Variants in CCDC171 observed in about 807,000 individuals in gnomAD.
CCDC171 encodes coiled-coil domain-containing protein 171.
A neutral mutation model predicts 168.2 loss-of-function variants in CCDC171; 177 were observed. The observed-to-expected ratio is 1.05, with a 90% CI of 0.93 to 1.19. CCDC171 has a LOEUF of 1.19. Among genes scored for constraint, CCDC171 ranks in the 50% most tolerant of loss-of-function variants. CCDC171 has a pLI of 0.00. For synonymous variants in CCDC171, 687 were observed against 540.8 expected, an observed-to-expected ratio of 1.27 and a Z score of -3.75; for missense variants, 1,991 against 1,539.0, an observed-to-expected ratio of 1.29 and a Z score of -4.91.
intron 24 of CCDC171, among the ~76,000 whole-genome samples, chr9:15,916,239 A>G (rs575966728): frequency 6.6e-6 from 1 of 152,014 alleles, no homozygotes; most frequent in South Asian, 2.1e-4. Context: ...TACAGGTAAC[A>G]TTTACCTGAG....
intron 7 of CCDC171, among the ~76,000 whole-genome samples, chr9:15,648,652 C>T (rs181167154): frequency 8.5e-5 from 13 of 152,212 alleles, no homozygotes; most frequent in Admixed American, 5.2e-4. Flanking sequence ...TTCACAGTTG[C>T]TACAAATAGA....
chr9:15,618,850 A>G (rs1358665143), intron 6 of CCDC171, among the ~76,000 whole-genome samples: 2 of 151,728 alleles, frequency 1.3e-5, no homozygotes, highest in African/African-American at 4.8e-5. Context: ...GTGCCTAACC[A>G]GTCCCAGTGA....
chr9:15,596,107 T>C (rs995866067), intron 6 of CCDC171, among the ~76,000 whole-genome samples: 15 of 152,344 alleles, frequency 9.8e-5, no homozygotes, highest in African/African-American at 3.6e-4. Context: ...CTGTTCACTC[T>C]GATGGTAGTT....
chr9:16,076,336 T>G, the CCDC171 span, among the ~76,000 whole-genome samples: 1 of 152,298 alleles, frequency 6.6e-6, no homozygotes, highest in African/African-American at 2.4e-5. Flanking sequence ...CTGCGCCGGG[T>G]TGGTTCCACC....
At chr9:15,737,246 G>GCATGCAA (rs1268257388) in intron 16 of CCDC171, among the ~76,000 whole-genome samples, 7 of 152,144 alleles carry the variant, frequency 4.6e-5, no homozygotes, top group African/African-American at 1.7e-4. Context: ...TAGTAACAAA[G>GCATGCAA]AGGTATACTA....
intron 23 of CCDC171, among the ~76,000 whole-genome samples, chr9:15,873,454 G>A (rs902922268): frequency 2.0e-5 from 3 of 151,910 alleles, no homozygotes; most frequent in Admixed American, 6.6e-5. Context: ...TTTGACCTTC[G>A]CTACCTGATA....
chr9:15,992,930 C>G (rs918031629), intron 3 of CCDC171, among the ~76,000 whole-genome samples: 2 of 152,040 alleles, frequency 1.3e-5, no homozygotes, highest in African/African-American at 2.4e-5. Context: ...AACCACTGCT[C>G]AACAAAATAA....
rs902389491 is a variant in CCDC171 at position 15,972,630 on chromosome 9, A to C, written c.*794A>C. On this transcript the variant is annotated 3_prime_UTR_variant, in exon 26 of 26. Transcript: ENST00000380701. ...CACTAGGATAGCAGGTAATATATTT[A>C]GTATAAGCTGAAAAACTTCAAGGTA... 6 of 152,202 alleles carry C rather than the reference A, an allele frequency of 3.9e-5. No homozygotes were observed. The highest frequency in any genetic ancestry group is 2.0e-4 in the Admixed American group (3 of 15,276). The allele number at this position is 152,202 out of a possible 1,614,324, so 9.4% of individuals were successfully genotyped here.
chr9:15,980,840 G>A (rs1158751761), intron 3 of CCDC171, among the ~76,000 whole-genome samples: 1 of 127,974 alleles, frequency 7.8e-6, no homozygotes, highest in African/African-American at 3.0e-5. Context: ...ATAGAAACCT[G>A]TATTAGTCCG....
At chr9:15,849,680 A>G (rs1032351954) in intron 23 of CCDC171, among the ~76,000 whole-genome samples, 15 of 151,898 alleles carry the variant, frequency 9.9e-5, no homozygotes, top group African/African-American at 3.6e-4. Flanking sequence ...TGAAAGGCAA[A>G]TTATTAGAAA....
chr9:15,815,060 T>C (rs2059513233), intron 21 of CCDC171, among the ~76,000 whole-genome samples: 1 of 152,220 alleles, frequency 6.6e-6, no homozygotes, highest in South Asian at 2.1e-4. Flanking sequence ...TTATTCACAG[T>C]AAGAGTCCCA....
chr9:15,698,681 G>A (rs900568690), intron 11 of CCDC171, among the ~76,000 whole-genome samples: 3 of 151,954 alleles, frequency 2.0e-5, no homozygotes, highest in Non-Finnish European at 2.9e-5. Context: ...CTGTATGTGC[G>A]TGTATATGTA....
rs2062059795 is a variant in CCDC171 at position 15,872,025 on chromosome 9, A to G, written c.3469-2507A>G. Among the ~76,000 whole-genome samples, 3 of 152,028 alleles carry G rather than the reference A, an allele frequency of 2.0e-5. No homozygotes were observed. The South Asian group carries it at 6.2e-4, about 31-fold the overall frequency. On this transcript the variant is annotated intron_variant, in intron 23 of 25. Transcript: ENST00000380701. ...TCTCAAAGTTCTCGTTTAATTTAAA[A>G]GTGGAAAAAACTCTTAAAATTTTAG... is the stretch of plus-strand genomic sequence containing the variant.
chr9:15,913,691 G>T (rs796585176), intron 24 of CCDC171, among the ~76,000 whole-genome samples: 1 of 152,126 alleles, frequency 6.6e-6, no homozygotes, highest in Admixed American at 6.6e-5. Flanking sequence ...CCTTGCTGGC[G>T]AGGAGTTGTG....
intron 2 of CCDC171, 140 bp downstream of exon 2, chr9:15,564,269 A>T: frequency 1.7e-6 from 1 of 594,436 alleles, no homozygotes; most frequent in East Asian, 2.9e-5. Flanking sequence ...CTGAAGGAGC[A>T]TGAATGAAGC....
chr9:16,082,919 A>G, the CCDC171 span, among the ~76,000 whole-genome samples: 1 of 152,190 alleles, frequency 6.6e-6, no homozygotes, highest in Non-Finnish European at 1.5e-5. Flanking sequence ...GTCCACTCCA[A>G]CCTTATACTC....
At position 15,571,668 on chromosome 9, in the gene CCDC171, A is replaced by G. The variant is rs1377924942; in HGVS notation, c.86A>G (p.Glu29Gly). 1 of 1,570,378 alleles carries G rather than the reference A, an allele frequency of 6.4e-7. No individual in the cohort carries two copies. The highest frequency in any genetic ancestry group is 8.6e-7 in the Non-Finnish European group (1 of 1,165,990). ...GATGTAAAACAAATACTTAAAAATG[A>G]AACAGAGTTGGATATTACTGATAAT... Reference protein sequence around the residue: ...SLDVKQILKNETELDITDNLR... With the variant: ...SLDVKQILKNGTELDITDNLR... Residue 29 changes from glutamate (E) to glycine (G), a missense_variant, in exon 3 of 26, where the codon GAA (glutamate) becomes GGA (glycine). Transcript: ENST00000380701.
At chr9:15,767,498 C>T (rs1170282511) in intron 18 of CCDC171, among the ~76,000 whole-genome samples, 2 of 151,432 alleles carry the variant, frequency 1.3e-5, no homozygotes, top group Non-Finnish European at 2.9e-5. Flanking sequence ...TAGCAAACTT[C>T]ATTCCATCTA....
At chr9:15,942,483 G>T (rs1192281857) in intron 25 of CCDC171, among the ~76,000 whole-genome samples, 1 of 151,916 alleles carries the variant, frequency 6.6e-6, no homozygotes, top group Non-Finnish European at 1.5e-5. Context: ...AATTGCTGTT[G>T]TGTGGGTTGT....
Sources: gnomAD v4.1 joint callset for allele counts (sites outside exome capture counted in the v4.1 genomes callset) on GRCh38, gnomAD v4.1.1 for gene constraint, MANE v1.5 for transcripts, NCBI Gene and HGNC (gene_info 2026-07-23, HGNC 2026-07-21) for gene names.